The following ULK1 variants were observed in gnomAD, a reference collection of about 807,000 sequenced individuals.
ULK1 encodes serine/threonine-protein kinase ULK1.
ULK1 carries 48 observed loss-of-function variants against 117.5 expected under a neutral mutation model. The ratio of observed to expected loss-of-function variants is 0.41; its 90% CI spans 0.32 to 0.52. The LOEUF (loss-of-function observed/expected upper bound fraction) is 0.52, where lower values mean the gene tolerates loss of function less well. ULK1 is among the 20% of genes least tolerant of loss of function. The pLI is 0.29. For synonymous variants in ULK1, 790 were observed against 637.8 expected (o/e 1.24, Z -3.60); for missense variants, 1,387 against 1,473.4 (o/e 0.94, Z 0.96).
chr12:131,909,633 A>G (rs1488197628), intron 8 of ULK1, 142 bp from the exon 9 acceptor site: 2 of 874,184 alleles, frequency 2.3e-6, no homozygotes, highest in East Asian at 2.8e-5. Flanking sequence ...CTCCAGCAGC[A>G]AACAGCCGCG....
rs1387729322 is a variant in ULK1 at position 131,914,574 on chromosome 12, GTGCAGTTGTGCAGGC to G, written c.1373+101_1373+115del. Reference sequence around the variant, plus strand: ...ATAGAGGGACAGGGTCGTCATCCATGTGCAGTTGTGCAGGCTGCGCACTGCGTAACTCAGCACCAC... The same window carrying G: ...ATAGAGGGACAGGGTCGTCATCCATGTGCGCACTGCGTAACTCAGCACCAC... On this transcript the variant is annotated intron_variant, in intron 16 of 27. Transcript: ENST00000321867. The G allele has an allele frequency of 5.5e-6, 8 of 1,466,502 alleles. No individual in the cohort carries two copies. In the Admixed American group the frequency reaches 1.8e-4, roughly 33 times the overall value. The allele number at this position is 1,466,502 out of a possible 1,614,324, so 90.8% of individuals were successfully genotyped here.
chr12:131,909,879 C>A, intron 9 of ULK1, 40 bp from the exon 10 acceptor site: 1 of 1,608,292 alleles, frequency 6.2e-7, no homozygotes, highest in Non-Finnish European at 8.5e-7. Flanking sequence ...CGGGCTCCGG[C>A]CCCGCAGGCC....
chr12:131,916,455 C>T lies in ULK1; in HGVS notation c.1936C>T (p.Leu646=). ...CAGCTCCCAGAACCTGCTGGCCCTC[C>T]TAGCCCGGCAGGGCGTGGTGATGAC... is the stretch of plus-strand genomic sequence containing the variant. ...TPSSQNLLAL[L]ARQGVVMTPP... is the part of the protein sequence containing the mutation. Residue 646 remains leucine, a synonymous_variant, in exon 20 of 28, where the codon CTA becomes TTA. Transcript: ENST00000321867. The T allele has an allele frequency of 6.2e-7, 1 of 1,611,408 alleles. No homozygotes were observed. The highest frequency in any genetic ancestry group is 8.5e-7 in the Non-Finnish European group (1 of 1,179,380).
intron 3 of ULK1, among the ~76,000 whole-genome samples, chr12:131,899,019 C>T (rs1237113594): frequency 1.3e-5 from 2 of 151,180 alleles, no homozygotes; most frequent in Admixed American, 1.3e-4. Flanking sequence ...GCTGGGATTA[C>T]AGGCACCTGC....
intron 20 of ULK1, 66 bp downstream of exon 20, chr12:131,916,657 G>A (rs1212903336): frequency 3.5e-6 from 5 of 1,438,880 alleles, no homozygotes; most frequent in African/African-American, 1.4e-5. Flanking sequence ...GCATTGTTCT[G>A]CTGGGTACTT....
intron 8 of ULK1, 62 bp downstream of exon 8, chr12:131,909,299 G>A: frequency 2.0e-6 from 3 of 1,490,984 alleles, no homozygotes; most frequent in Non-Finnish European, 2.7e-6. Context: ...GCCAGCTGCG[G>A]TCAGACGCCC....
Position 131,895,131 on chromosome 12 carries a change from C to T in ULK1, c.111+19C>T, listed in dbSNP as rs1302743048. 4.7e-5 allele frequency: 70 copies of T among 1,494,742 alleles called. No individual in the cohort carries two copies. Among genetic ancestry groups the T allele is most frequent in the Non-Finnish European group, 6.0e-5 (68 of 1,124,572 alleles). 92.6% of individuals were successfully genotyped at this position (1,494,742 alleles called of 1,614,324 possible). A position where few individuals can be genotyped will look rare whatever the true frequency, so the allele number is the denominator to read the frequency against. ...CCGCGAGGTGAGGCCCCCGTCCGGC[C>T]CGGGATCCCCCGCCCAGGATCCCCT... On this transcript the variant is annotated intron_variant, in intron 1 of 27. Transcript: ENST00000321867.
chr12:131,913,186 C>A lies in ULK1; in HGVS notation c.1097-12C>A. ...GCAAGGACTCCAGGCCCAGCCTTGT[C>A]TCCCCCTGCAGGTGACCTGGTGGCT... On this transcript the variant is annotated splice_polypyrimidine_tract_variant and intron_variant, in intron 13 of 27. Coordinates refer to ENST00000321867, the MANE Select transcript of ULK1 (RefSeq NM_003565.4). 1 of 1,568,412 alleles carries A rather than the reference C, an allele frequency of 6.4e-7. No homozygotes were observed. Among genetic ancestry groups the A allele is most frequent in the Non-Finnish European group, 8.6e-7 (1 of 1,162,690 alleles).
intron 5 of ULK1, among the ~76,000 whole-genome samples, chr12:131,908,086 G>A (rs1295580437): frequency 6.6e-6 from 1 of 152,116 alleles, no homozygotes; most frequent in African/African-American, 2.4e-5. Context: ...TTGGGCCTGA[G>A]CACCCGGGAG....
Position 131,909,936 on chromosome 12 carries a change from C to G in ULK1, c.743C>G (p.Ser248Trp). The change falls in exon 10 of 28, where the codon TCG becomes TGG. Residue 248 changes from serine to tryptophan, a missense_variant. Transcript: ENST00000321867. ...TGCCCCAGCATCCCCCGGGAGACCTCGGCCCCGCTGCGGCAGCTGCTCCTG... is the reference window on the plus strand; with the variant it reads ...TGCCCCAGCATCCCCCGGGAGACCTGGGCCCCGCTGCGGCAGCTGCTCCTG... ...TLVPTIPRET[S>W]APLRQLLLAL... The G allele has an allele frequency of 6.2e-7, 1 of 1,612,076 alleles. No homozygotes were observed. Among genetic ancestry groups the G allele is most frequent in the Non-Finnish European group, 8.5e-7 (1 of 1,179,800 alleles).
chr12:131,917,561 G>A lies in ULK1; in HGVS notation c.2326+7G>A, dbSNP rs1249517339. On this transcript the variant is annotated splice_region_variant and intron_variant, in intron 22 of 27. Coordinates refer to ENST00000321867, the MANE Select transcript of ULK1 (RefSeq NM_003565.4). ...CGCACCAGGATGTTCTCAGGTGAGG[G>A]CTGGCTAGGCTGAAGCCCTGTCCCT... 3 of 1,412,290 alleles carry A rather than the reference G, an allele frequency of 2.1e-6. No homozygotes were observed. Among genetic ancestry groups the A allele is most frequent in the Non-Finnish European group, 9.3e-7 (1 of 1,077,044 alleles). The allele number at this position is 1,412,290 out of a possible 1,614,324, so 87.5% of individuals were successfully genotyped here.
rs1228023546 is a variant in ULK1 at position 131,902,782 on chromosome 12, G to A, written c.247-4110G>A. Among the ~76,000 whole-genome samples, 3 of 152,106 alleles carry A rather than the reference G, an allele frequency of 2.0e-5. No homozygotes were observed. The highest frequency in any genetic ancestry group is 2.1e-4 in the South Asian group (1 of 4,826). On this transcript the variant is annotated intron_variant, in intron 3 of 27. Transcript: ENST00000321867. This position sits in a 1 kb window ranked among gnomAD's most constrained non-coding sequence, Gnocchi z 6.3. ...GTGTGTCACCACGGGACGGACCCCCGGACCCTGTCTTGGGAGGCGAGCTGC... is the reference window on the plus strand; with the variant it reads ...GTGTGTCACCACGGGACGGACCCCCAGACCCTGTCTTGGGAGGCGAGCTGC...
In ULK1 at chr12:131,915,172, G is replaced by C. The variant is rs921102151; in HGVS notation, c.1463G>C (p.Gly488Ala). The change falls in exon 17 of 28, where the codon GGC (glycine) becomes GCC (alanine). Residue 488 changes from glycine to alanine, a missense_variant. Transcript: ENST00000321867. ...PSPPAHAEHGGVLARKMSLGG... is the reference protein window; with the variant it reads ...PSPPAHAEHGAVLARKMSLGG... ...CCCCCTGCCCACGCTGAGCATGGAG[G>C]CGTCCTGGCCAGGAAGATGTCTCTG... 1 of 1,603,234 alleles carries C rather than the reference G, an allele frequency of 6.2e-7. No homozygotes were observed. Among genetic ancestry groups the C allele is most frequent in the Non-Finnish European group, 8.5e-7 (1 of 1,175,548 alleles).
chr12:131,915,117 C>T lies in ULK1; in HGVS notation c.1408C>T (p.Pro470Ser). 1 of 1,588,846 alleles carries T rather than the reference C, an allele frequency of 6.3e-7. No individual in the cohort carries two copies. The highest frequency in any genetic ancestry group is 8.6e-7 in the Non-Finnish European group (1 of 1,168,258). The change falls in exon 17 of 28, where the codon CCC (proline) becomes TCC (serine). Residue 470 changes from proline to serine, a missense_variant. Pro to Ser is a moderately conservative substitution (Grantham distance 74). Around this residue, in one of 4 missense-constraint regions of ULK1, gnomAD observed 900 missense variants for 858.9 expected, o/e 1.05. Coordinates refer to ENST00000321867, the MANE Select transcript of ULK1 (RefSeq NM_003565.4). ...SAIRRSGSTS[P>S]LGFARASPSP... ...CATCCGCAGGTCAGGCAGCACCAGC[C>T]CCCTGGGCTTTGCAAGGGCCAGCCC...
chr12:131,912,811 G>T (rs1889599464), intron 13 of ULK1, among the ~76,000 whole-genome samples: 1 of 152,202 alleles, frequency 6.6e-6, no homozygotes, highest in Non-Finnish European at 1.5e-5. Flanking sequence ...CCTCCTTGGG[G>T]GTGGGAACCT....
chr12:131,905,529 C>T (rs1593262579), intron 3 of ULK1, among the ~76,000 whole-genome samples: 1 of 152,234 alleles, frequency 6.6e-6, no homozygotes, highest in Middle Eastern at 3.4e-3. Context: ...GGTGTGGACT[C>T]GCTTCCCTGT....
intron 23 of ULK1, 40 bp downstream of exon 23, chr12:131,918,721 A>G: frequency 1.8e-6 from 2 of 1,089,358 alleles, no homozygotes; most frequent in South Asian, 1.9e-5. Context: ...TTCTGGCTGG[A>G]GGGTGTGTGG....
chr12:131,900,137 A>AT (rs1889030169), intron 3 of ULK1, among the ~76,000 whole-genome samples: 1 of 122,780 alleles, frequency 8.1e-6, no homozygotes, highest in Admixed American at 8.4e-5. Flanking sequence ...AAAAAAAAAA[A>AT]ACTGTTGTGG....
Position 131,909,132 on chromosome 12 carries a change from G to T in ULK1, c.565-4G>T, listed in dbSNP as rs762420187. On this transcript the variant is annotated splice_region_variant and splice_polypyrimidine_tract_variant and intron_variant, in intron 7 of 27. Coordinates refer to ENST00000321867, the MANE Select transcript of ULK1 (RefSeq NM_003565.4). ...TCACACTGACCCGACTTCTGGTCCC[G>T]CAGGCCCCCGAGGTCATCATGTCCC... The T allele has an allele frequency of 6.2e-7, 1 of 1,604,132 alleles. No homozygotes were observed. The highest frequency in any genetic ancestry group is 1.7e-5 in the Admixed American group (1 of 58,766).
Sources: gnomAD v4.1 joint callset for allele counts (sites outside exome capture counted in the v4.1 genomes callset) on GRCh38, gnomAD v4.1.1 for gene constraint, gnomAD v4.1.1 regional missense constraint, Gnocchi (gnomAD v3.1) non-coding constraint, MANE v1.5 for transcripts, NCBI Gene and HGNC (gene_info 2026-07-23, HGNC 2026-07-21) for gene names.